BSN: variants seen among roughly 807,000 people sequenced by gnomAD.
BSN encodes the protein bassoon presynaptic cytomatrix protein, also known as protein bassoon.
In BSN, 57 loss-of-function variants were observed where a neutral mutation model predicts 264.8. That is an observed-to-expected ratio of 0.22 (90% confidence interval 0.17 to 0.27). The LOEUF (loss-of-function observed/expected upper bound fraction) is 0.27. Ranked by LOEUF, BSN falls within the 10% of genes least tolerant of loss-of-function variation. BSN has a pLI of 1.00. For synonymous variants in BSN, 2,059 were observed against 2,137.3 expected, an observed-to-expected ratio of 0.96 and a Z score of 1.01; for missense variants, 4,615 against 5,232.5, an observed-to-expected ratio of 0.88 and a Z score of 3.64.
At chr3:49,672,840 C>T (rs1184388256), downstream of BSN, among the ~76,000 whole-genome samples, 18 of 140,232 alleles carry the variant, frequency 1.3e-4, no homozygotes, top group East Asian at 2.1e-4. Flanking sequence ...AGTGCAGTGG[C>T]GCGATCTCGG....
At chr3:49,610,092 T>G (rs1045655678) in intron 1 of BSN, among the ~76,000 whole-genome samples, 2 of 152,136 alleles carry the variant, frequency 1.3e-5, no homozygotes, top group Admixed American at 1.3e-4. Flanking sequence ...CCACCCCTCT[T>G]CCCCATGGCT....
chr3:49,640,306 G>C (rs1292768215), intron 2 of BSN, among the ~76,000 whole-genome samples: 1 of 152,194 alleles, frequency 6.6e-6, no homozygotes, highest in Non-Finnish European at 1.5e-5. Flanking sequence ...TCTGGGATGA[G>C]CCCTGCTCTG....
chr3:49,656,971 G>T lies in BSN; in HGVS notation c.7415G>T (p.Arg2472Leu), dbSNP rs781034873. ...LQQQLEEQKQ[R>L]QKAPFPAACE... ...CAGCAGCTAGAGGAGCAGAAGCAGCGGCAGAAGGCTCCCTTTCCTGCAGCC... is the reference window on the plus strand; with the variant it reads ...CAGCAGCTAGAGGAGCAGAAGCAGCTGCAGAAGGCTCCCTTTCCTGCAGCC... Residue 2472 changes from arginine (R) to leucine (L), a missense_variant, in exon 5 of 12, where the codon CGG becomes CTG. By Grantham distance (102) the Arg-to-Leu change is moderately radical (BLOSUM62 -2). Transcript: ENST00000296452. The T allele has an allele frequency of 6.2e-7, 1 of 1,607,804 alleles. No homozygotes were observed. The highest frequency in any genetic ancestry group is 8.5e-7 in the Non-Finnish European group (1 of 1,176,600).
Position 49,651,411 on chromosome 3 carries a change from TG to T in BSN, c.1987-129del, listed in dbSNP as rs1575447570. On this transcript the variant is annotated intron_variant, in intron 4 of 11. Coordinates refer to ENST00000296452, the MANE Select transcript of BSN (RefSeq NM_003458.4). This position sits in a 1 kb window ranked among gnomAD's most constrained non-coding sequence, Gnocchi z 5.4. ...TATTCAAGGCCAGAAGGAGATAGGG[TG>T]GGTGGCGGGCCCTAAACCCTTGGGA... 10 of 975,090 alleles carry T rather than the reference TG, an allele frequency of 1.0e-5. No individual in the cohort carries two copies. In the East Asian group the frequency reaches 2.0e-4, roughly 20 times the overall value. 60.4% of individuals were successfully genotyped at this position (975,090 alleles called of 1,614,324 possible).
intron 1 of BSN, among the ~76,000 whole-genome samples, chr3:49,592,054 G>A (rs2051982187): frequency 6.6e-6 from 1 of 151,870 alleles, no homozygotes; most frequent in African/African-American, 2.4e-5. Flanking sequence ...AGGATAATTT[G>A]AGAGAGACAG....
chr3:49,662,220 T>G lies in BSN; in HGVS notation c.10375T>G (p.Phe3459Val). The change falls in exon 6 of 12, where the codon TTC becomes GTC. Residue 3459 changes from phenylalanine (F) to valine (V), a missense_variant. By Grantham distance (50) the Phe-to-Val change is conservative. Coordinates refer to ENST00000296452, the MANE Select transcript of BSN (RefSeq NM_003458.4). The part of the protein sequence containing the change: ...YSGEKLSSHD[F>V]SGWGKGYERE... ...TGGGGAGAAGCTGTCCAGCCACGAC[T>G]TCAGTGGCTGGGGCAAGGGGTACGA... The G allele has an allele frequency of 6.2e-7, 1 of 1,613,588 alleles. No individual in the cohort carries two copies.
At chr3:49,610,112 G>A (rs1405991627) in intron 1 of BSN, among the ~76,000 whole-genome samples, 1 of 152,102 alleles carries the variant, frequency 6.6e-6, no homozygotes, top group African/African-American at 2.4e-5. Flanking sequence ...TTCCTCCAGG[G>A]TTTTCTGAGA....
intron 1 of BSN, among the ~76,000 whole-genome samples, chr3:49,605,349 AATAT>A (rs1443866645): frequency 1.2e-5 from 1 of 84,614 alleles, no homozygotes; most frequent in African/African-American, 4.7e-5. Flanking sequence ...ATAATATATA[AATAT>A]ATATTTATAA....
rs2052571728 is a variant in BSN, at chr3:49,654,158, A to G, written c.4602A>G (p.Thr1534=). Reference sequence around the variant, plus strand: ...CATCACCTATGGTAGCCCAGGGTACACAAACACCACATCGACCCAGCACGC... The same window carrying G: ...CATCACCTATGGTAGCCCAGGGTACGCAAACACCACATCGACCCAGCACGC... ...PTPSPMVAQG[T]QTPHRPSTPR... Residue 1534 remains threonine (T), a synonymous_variant, in exon 5 of 12, where the codon ACA becomes ACG. Coordinates refer to ENST00000296452, the MANE Select transcript of BSN (RefSeq NM_003458.4). This position sits in a 1 kb window ranked among gnomAD's most constrained non-coding sequence, Gnocchi z 4.1. The G allele has an allele frequency of 6.2e-7, 1 of 1,613,918 alleles. No individual in the cohort carries two copies. Among genetic ancestry groups the G allele is most frequent in the Admixed American group, 1.7e-5 (1 of 60,010 alleles).
Position 49,612,994 on chromosome 3 carries a change from A to G in BSN, c.225-11981A>G, listed in dbSNP as rs533100080. On this transcript the variant is annotated intron_variant, in intron 1 of 11. Transcript: ENST00000296452. ...CTAAAAATACAAAAACTACCTGGGCATGGTGGCACATGCCTATAATCCCAG... is the reference window on the plus strand; with the variant it reads ...CTAAAAATACAAAAACTACCTGGGCGTGGTGGCACATGCCTATAATCCCAG... Among the ~76,000 whole-genome samples the G allele has an allele frequency of 3.3e-5, 5 of 152,196 alleles. No individual in the cohort carries two copies. In the East Asian group the frequency reaches 5.8e-4, roughly 18 times the overall value.
At chr3:49,561,598 A>C (rs990253733) in intron 1 of BSN, among the ~76,000 whole-genome samples, 1 of 152,242 alleles carries the variant, frequency 6.6e-6, no homozygotes, top group East Asian at 1.9e-4. Context: ...TATTTATTAT[A>C]TACAACCTGA....
At chr3:49,602,396 TCCTTGCTCTG>T (rs1373663644) in intron 1 of BSN, among the ~76,000 whole-genome samples, 4 of 151,744 alleles carry the variant, frequency 2.6e-5, no homozygotes, top group East Asian at 3.9e-4. Context: ...TAGGTACCAA[TCCTTGCTCTG>T]CCTTGCTCTG....
chr3:49,655,653 CTA>C lies in BSN; in HGVS notation c.6098_6099del (p.Leu2033ArgfsTer29). 1 of 1,613,696 alleles carries C rather than the reference CTA, an allele frequency of 6.2e-7. No individual in the cohort carries two copies. The highest frequency in any genetic ancestry group is 8.5e-7 in the Non-Finnish European group (1 of 1,180,002). ...CCTGGGCTTTGCGGATGGACGCTAC[CTA>C]GGGCAGGGCTTGCAGTATGGCTCAG... Reference protein sequence around the residue: ...YSLGFADGRYLGQGLQYGSVT... With the variant: ...YSLGFADGRYXGQGLQYGSVT... On this transcript the variant is annotated frameshift_variant, in exon 5 of 12. Transcript: ENST00000296452. LOFTEE classifies it high-confidence loss of function.
intron 6 of BSN, 86 bp downstream of exon 6, chr3:49,662,648 C>T (rs1239945269): frequency 1.3e-6 from 2 of 1,515,158 alleles, no homozygotes; most frequent in Non-Finnish European, 1.8e-6. Flanking sequence ...TAAGATGTCC[C>T]AGCAGGGTCT....
At chr3:49,600,004 C>T (rs1277207438) in intron 1 of BSN, among the ~76,000 whole-genome samples, 2 of 152,196 alleles carry the variant, frequency 1.3e-5, no homozygotes, top group Non-Finnish European at 2.9e-5. Context: ...CTGGGGCCTA[C>T]ACAGGGATAG....
Position 49,660,957 on chromosome 3 carries a change from A to G in BSN, c.9112A>G (p.Thr3038Ala). ...PAGQFVDFPATAAAPATPSGP... is the reference protein window; with the variant it reads ...PAGQFVDFPAAAAAPATPSGP... ...TGGCCAGTTTGTGGACTTCCCTGCC[A>G]CTGCCGCTGCTCCTGCCACCCCCTC... The change falls in exon 6 of 12, where the codon ACT (threonine) becomes GCT (alanine). Residue 3038 changes from threonine (T) to alanine (A), a missense_variant. Thr to Ala is a moderately conservative substitution (Grantham distance 58). Coordinates refer to ENST00000296452, the MANE Select transcript of BSN (RefSeq NM_003458.4). This position sits in a 1 kb window ranked among gnomAD's most constrained non-coding sequence, Gnocchi z 7.1. The G allele has an allele frequency of 6.2e-7, 1 of 1,611,842 alleles. No homozygotes were observed. Among genetic ancestry groups the G allele is most frequent in the South Asian group, 1.1e-5 (1 of 91,070 alleles).
intron 1 of BSN, among the ~76,000 whole-genome samples, chr3:49,606,221 TATATAC>T (rs2052144072): frequency 1.0e-4 from 4 of 39,970 alleles, no homozygotes; most frequent in Non-Finnish European, 1.8e-4. Flanking sequence ...GTATATATTA[TATATAC>T]ATATATTATA....
chr3:49,636,105 C>T (rs770359041), intron 2 of BSN, among the ~76,000 whole-genome samples: 10 of 152,158 alleles, frequency 6.6e-5, no homozygotes, highest in East Asian at 1.9e-4. Flanking sequence ...ATGCAATGTA[C>T]AGCAATTAAT....
intron 11 of BSN, 142 bp downstream of exon 11, chr3:49,665,460 C>T (rs2052705969): frequency 6.6e-6 from 1 of 152,352 alleles, no homozygotes; most frequent in Non-Finnish European, 1.5e-5. Flanking sequence ...CCCAGCAGCC[C>T]TCTACCCCGC....
Sources: allele counts gnomAD v4.1 joint callset (sites outside exome capture counted in the v4.1 genomes callset), GRCh38; gene constraint gnomAD v4.1.1; non-coding constraint Gnocchi (gnomAD v3.1); transcripts MANE v1.5; gene names NCBI Gene and HGNC (gene_info 2026-07-23, HGNC 2026-07-21).